UGT2B15: variants seen among roughly 807,000 people sequenced by gnomAD.
The protein encoded by UGT2B15 is UDP-glucuronosyltransferase 2B15.
UGT2B15 carries 36 observed loss-of-function variants against 45.9 expected under a neutral mutation model. The observed-to-expected ratio is 0.78, with a 90% CI of 0.60 to 1.04. The LOEUF is 1.04. UGT2B15 is among the 50% of genes least tolerant of loss of function. UGT2B15 has a pLI of 0.00. For synonymous variants in UGT2B15, 219 were observed against 216.4 expected, an observed-to-expected ratio of 1.01 and a Z score of -0.11; for missense variants, 617 against 622.4, an observed-to-expected ratio of 0.99 and a Z score of 0.09.
Position 68,668,096 on chromosome 4 carries a change from G to C in UGT2B15, c.817C>G (p.Pro273Ala), listed in dbSNP as rs1228717387. 6.2e-7 allele frequency: 1 copy of C among 1,613,966 alleles called. No individual in the cohort carries two copies. Among genetic ancestry groups the C allele is most frequent in the African/African-American group, 1.3e-5 (1 of 75,004 alleles). ...AGTCCTCCAACAAAATCAACATTTG[G>C]TAAGAATGGGCGAGGAAATTCAAAA... ...WDFEFPRPFL[P>A]NVDFVGGLHC... Residue 273 changes from proline (P) to alanine (A), a missense_variant, in exon 2 of 6, where the codon CCA becomes GCA. Physicochemically the swap from Pro to Ala is conservative, Grantham distance 27 (BLOSUM62 -1). Transcript: ENST00000338206.
At position 68,664,811 on chromosome 4, in the gene UGT2B15, G is replaced by A. The variant is rs375761044; in HGVS notation, c.874-1672C>T. Among the ~76,000 whole-genome samples the A allele has an allele frequency of 1.4e-3, 218 of 152,096 alleles. No homozygotes were observed. The Middle Eastern group carries it at 0.02, about 14-fold the overall frequency. Reference sequence around the variant, plus strand: ...GACCTCCTGACCTTGTGATCCACCCGCCTCAGCCTCCCGATGTGCTGGGAT... The same window carrying A: ...GACCTCCTGACCTTGTGATCCACCCACCTCAGCCTCCCGATGTGCTGGGAT... On this transcript the variant is annotated intron_variant, in intron 2 of 5. Coordinates refer to ENST00000338206, the MANE Select transcript of UGT2B15 (RefSeq NM_001076.4).
At chr4:68,650,453 C>A (rs943887764) in intron 5 of UGT2B15, among the ~76,000 whole-genome samples, 1 of 152,072 alleles carries the variant, frequency 6.6e-6, no homozygotes, top group African/African-American at 2.4e-5. Flanking sequence ...TGCATTTCAT[C>A]CGTGTCCCTG....
rs367754004 is a variant in UGT2B15, at chr4:68,652,320, G to T, written c.1313+1717C>A. On this transcript the variant is annotated intron_variant, in intron 5 of 5. Transcript: ENST00000338206. ...TTCTAACTATAGAATTATGTCATCT[G>T]CAAACAGAGACAATTTAACTTCTTC... 4.6e-5 allele frequency among the ~76,000 whole-genome samples: 7 copies of T among 152,034 alleles called. No individual in the cohort carries two copies. In the East Asian group the frequency reaches 7.7e-4, roughly 17 times the overall value.
chr4:68,664,388 C>CT (rs1456074497), intron 2 of UGT2B15, among the ~76,000 whole-genome samples: 2 of 151,742 alleles, frequency 1.3e-5, no homozygotes, highest in Non-Finnish European at 2.9e-5. Context: ...TCAAAATTCT[C>CT]TTTTTCTCAG....
intron 2 of UGT2B15, among the ~76,000 whole-genome samples, chr4:68,664,497 A>T (rs1373736670): frequency 6.6e-6 from 1 of 152,120 alleles, no homozygotes; most frequent in East Asian, 1.9e-4. Context: ...ATAAAAAAAG[A>T]AATTCTAAAA....
intron 5 of UGT2B15, among the ~76,000 whole-genome samples, chr4:68,648,175 CT>C (rs1732538158): frequency 6.6e-6 from 1 of 152,078 alleles, no homozygotes; most frequent in Non-Finnish European, 1.5e-5. Flanking sequence ...TGACACTCAC[CT>C]GTTAAGATTT....
intron 5 of UGT2B15, among the ~76,000 whole-genome samples, chr4:68,652,111 A>G (rs1328162637): frequency 6.6e-6 from 1 of 152,016 alleles, no homozygotes; most frequent in East Asian, 1.9e-4. Flanking sequence ...GCATATGCCT[A>G]GGTATTTTAT....
chr4:68,651,888 GT>G (rs36073376), intron 5 of UGT2B15, among the ~76,000 whole-genome samples: 71 of 152,060 alleles, frequency 4.7e-4, no homozygotes, highest in African/African-American at 1.6e-3. Context: ...ATTTAAAGTA[GT>G]TTTTTTCTAA....
intron 2 of UGT2B15, among the ~76,000 whole-genome samples, chr4:68,667,146 T>C (rs1045214728): frequency 1.4e-4 from 22 of 151,904 alleles, no homozygotes; most frequent in Non-Finnish European, 2.8e-4. Context: ...ATGCAAGCCT[T>C]TACTTTTTTT....
chr4:68,655,300 G>A (rs964581412), intron 3 of UGT2B15, 118 bp from the exon 4 acceptor site: 1 of 1,294,536 alleles, frequency 7.7e-7, no homozygotes, highest in Non-Finnish European at 1.1e-6. Context: ...GAAGAAATAA[G>A]AAGAAGTGAT....
chr4:68,664,967 G>T (rs1733077783), intron 2 of UGT2B15, among the ~76,000 whole-genome samples: 1 of 152,112 alleles, frequency 6.6e-6, no homozygotes, highest in African/African-American at 2.4e-5. Flanking sequence ...CACATTTAAT[G>T]TAACTTGAGT....
At chr4:68,652,686 C>T (rs1217084623) in intron 5 of UGT2B15, among the ~76,000 whole-genome samples, 2 of 149,070 alleles carry the variant, frequency 1.3e-5, no homozygotes, top group East Asian at 1.9e-4. Context: ...AACATTGAAA[C>T]CTTTGTATTT....
At chr4:68,667,343 A>AT (rs1733170534) in intron 2 of UGT2B15, among the ~76,000 whole-genome samples, 1 of 151,448 alleles carries the variant, frequency 6.6e-6, no homozygotes, top group African/African-American at 2.4e-5. Context: ...CTATTATTTT[A>AT]TTTTTTATTT....
At chr4:68,648,330 C>G (rs929223567) in intron 5 of UGT2B15, among the ~76,000 whole-genome samples, 3 of 152,050 alleles carry the variant, frequency 2.0e-5, no homozygotes, top group Non-Finnish European at 4.4e-5. Context: ...TCTCTAAACT[C>G]CTGAAGGTGT....
intron 2 of UGT2B15, among the ~76,000 whole-genome samples, chr4:68,667,618 T>C (rs1005945645): frequency 6.6e-6 from 1 of 151,988 alleles, no homozygotes; most frequent in African/African-American, 2.4e-5. Context: ...TTATAACACT[T>C]TTTAGACTTT....
At chr4:68,657,658 C>T (rs1222375438) in intron 3 of UGT2B15, among the ~76,000 whole-genome samples, 2 of 152,076 alleles carry the variant, frequency 1.3e-5, no homozygotes, top group Non-Finnish European at 2.9e-5. Context: ...TGCACATATA[C>T]ATTAAGAACC....
intron 3 of UGT2B15, among the ~76,000 whole-genome samples, chr4:68,662,190 T>C (rs1732987039): frequency 6.6e-6 from 1 of 152,056 alleles, no homozygotes; most frequent in East Asian, 1.9e-4. Context: ...GAAAATAAGT[T>C]CCTACCATGT....
intron 3 of UGT2B15, among the ~76,000 whole-genome samples, chr4:68,656,814 A>G (rs1294563932): frequency 6.6e-6 from 1 of 151,836 alleles, no homozygotes; most frequent in Admixed American, 6.6e-5. Flanking sequence ...TTCTCAGTCC[A>G]AAGCTCTGTT....
At chr4:68,666,573 C>T (rs896659001) in intron 2 of UGT2B15, among the ~76,000 whole-genome samples, 3 of 151,766 alleles carry the variant, frequency 2.0e-5, no homozygotes, top group East Asian at 1.9e-4. Context: ...TGTAAAAGTT[C>T]CTAAATGATC....
Sources: gnomAD v4.1 joint callset for allele counts (sites outside exome capture counted in the v4.1 genomes callset) on GRCh38, gnomAD v4.1.1 for gene constraint, MANE v1.5 for transcripts, NCBI Gene and HGNC (gene_info 2026-07-23, HGNC 2026-07-21) for gene names.